Variants in CDH13 observed in about 807,000 individuals in gnomAD.
CDH13 encodes cadherin 13.
In CDH13, 24 loss-of-function variants were observed where a neutral mutation model predicts 63.8. The ratio of observed to expected loss-of-function variants is 0.38; its 90% confidence interval spans 0.27 to 0.53. The LOEUF (loss-of-function observed/expected upper bound fraction) is 0.53. CDH13 is among the 20% of genes least tolerant of loss of function. CDH13 has a pLI of 0.85. For missense variants in CDH13, 1,049 were observed against 903.1 expected, an observed-to-expected ratio of 1.16 and a Z score of -2.07; for synonymous variants, 503 against 355.3, an observed-to-expected ratio of 1.42 and a Z score of -4.67.
chr16:82,649,334 A>G (rs532218938), intron 1 of CDH13, among the ~76,000 whole-genome samples: 1 of 152,278 alleles, frequency 6.6e-6, no homozygotes, highest in African/African-American at 2.4e-5. Flanking sequence ...TGGATGGATG[A>G]TGGATGGATA....
chr16:83,454,120 A>T (rs1045639903), intron 6 of CDH13, among the ~76,000 whole-genome samples: 1 of 152,268 alleles, frequency 6.6e-6, no homozygotes, highest in African/African-American at 2.4e-5. Context: ...GAGATTCTCC[A>T]AAAGAAGCCT....
intron 2 of CDH13, among the ~76,000 whole-genome samples, chr16:82,896,106 C>G (rs1217454939): frequency 6.6e-6 from 1 of 152,030 alleles, no homozygotes; most frequent in Non-Finnish European, 1.5e-5. Context: ...ACCTGACATT[C>G]TCTCATTCAT....
intron 5 of CDH13, among the ~76,000 whole-genome samples, chr16:83,273,663 T>C (rs2088894338): frequency 1.3e-5 from 2 of 152,132 alleles, no homozygotes; most frequent in Admixed American, 1.3e-4. Context: ...CACAAAGGGG[T>C]ACATAAAAGT....
chr16:83,126,776 T>G (rs1251589701), intron 4 of CDH13, among the ~76,000 whole-genome samples: 1 of 152,206 alleles, frequency 6.6e-6, no homozygotes, highest in Non-Finnish European at 1.5e-5. Flanking sequence ...GCTGTTGAAC[T>G]ACTAATTCAT....
chr16:82,876,174 T>A (rs1191227489), intron 2 of CDH13, among the ~76,000 whole-genome samples: 1 of 152,166 alleles, frequency 6.6e-6, no homozygotes, highest in Non-Finnish European at 1.5e-5. Context: ...AAGATGAGAT[T>A]TGGGTGGGGA....
At position 83,201,608 on chromosome 16, in the gene CDH13, G is replaced by A. The variant is rs902181235; in HGVS notation, c.484-15737G>A. 2.6e-5 allele frequency among the ~76,000 whole-genome samples: 4 copies of A among 152,016 alleles called. No individual in the cohort carries two copies. In the South Asian group the frequency reaches 8.3e-4, roughly 32 times the overall value. On this transcript the variant is annotated intron_variant, in intron 4 of 13. Transcript: ENST00000567109. ...GACCAAGGCTGAGGAATAAGATTGAGTAACGTTGGCTGGGCACGGTGGCTC... is the reference window on the plus strand; with the variant it reads ...GACCAAGGCTGAGGAATAAGATTGAATAACGTTGGCTGGGCACGGTGGCTC...
At chr16:83,000,664 C>T (rs566497961) in intron 2 of CDH13, among the ~76,000 whole-genome samples, 3 of 150,142 alleles carry the variant, frequency 2.0e-5, no homozygotes, top group Non-Finnish European at 3.0e-5. Context: ...ACTGCAAGCT[C>T]CGCCTCCTGG....
rs531057219 is a variant in CDH13, at chr16:82,897,103, A to C, written c.157+38630A>C. Reference sequence around the variant, plus strand: ...CCACACTGCTGTGCAATTCTAAAGAATTCTGGGAGTGCTGTCAGAGAGTAC... The same window carrying C: ...CCACACTGCTGTGCAATTCTAAAGACTTCTGGGAGTGCTGTCAGAGAGTAC... On this transcript the variant is annotated intron_variant, in intron 2 of 13. Transcript: ENST00000567109. 1.5e-4 allele frequency among the ~76,000 whole-genome samples: 23 copies of C among 152,220 alleles called. 1 individual carries two copies. In the South Asian group the frequency reaches 4.6e-3, roughly 30 times the overall value.
At position 83,255,181 on chromosome 16, in the gene CDH13, G is replaced by T. The variant is rs1230596062; in HGVS notation, c.636+37684G>T. 2.0e-5 allele frequency among the ~76,000 whole-genome samples: 3 copies of T among 152,104 alleles called. No individual in the cohort carries two copies. In the East Asian group the frequency reaches 5.8e-4, roughly 29 times the overall value. ...GACTATTGAAAAGGCTGAGAATTCA[G>T]TCCTTGAAACTAATTGTGCCAAGTA... On this transcript the variant is annotated intron_variant, in intron 5 of 13. Transcript: ENST00000567109.
intron 7 of CDH13, among the ~76,000 whole-genome samples, chr16:83,490,331 A>T (rs2073985416): frequency 1.3e-5 from 2 of 152,218 alleles, no homozygotes; most frequent in Non-Finnish European, 2.9e-5. Context: ...CTGCCTACCT[A>T]ATCATCTTCC....
At chr16:82,784,009 G>C (rs1181914264) in intron 1 of CDH13, among the ~76,000 whole-genome samples, 2 of 152,140 alleles carry the variant, frequency 1.3e-5, no homozygotes, top group African/African-American at 4.8e-5. Context: ...TGTTCCTGGA[G>C]GTGTGTGTGG....
chr16:83,368,243 T>G (rs1281763420), intron 6 of CDH13, among the ~76,000 whole-genome samples: 1 of 152,240 alleles, frequency 6.6e-6, no homozygotes, highest in Non-Finnish European at 1.5e-5. Context: ...ATATTCTGTT[T>G]GTTATACACT....
chr16:82,950,452 G>C (rs759566610), intron 2 of CDH13, among the ~76,000 whole-genome samples: 2 of 152,076 alleles, frequency 1.3e-5, no homozygotes, highest in Non-Finnish European at 2.9e-5. Flanking sequence ...TGAATCATGG[G>C]GGTGGTTTCT....
chr16:82,760,713 G>A (rs1346452757), intron 1 of CDH13, among the ~76,000 whole-genome samples: 2 of 152,104 alleles, frequency 1.3e-5, no homozygotes, highest in African/African-American at 2.4e-5. Context: ...TTTGGCTTAC[G>A]GTTCTGCAGG....
intron 3 of CDH13, among the ~76,000 whole-genome samples, chr16:83,037,713 G>T (rs1405663941): frequency 1.3e-5 from 2 of 152,172 alleles, no homozygotes; most frequent in Non-Finnish European, 2.9e-5. Context: ...CAAATTTGAA[G>T]GAAGAACAGC....
chr16:83,101,354 G>C (rs2034469517), intron 3 of CDH13, among the ~76,000 whole-genome samples: 1 of 149,280 alleles, frequency 6.7e-6, no homozygotes, highest in Non-Finnish European at 1.5e-5. Flanking sequence ...AGTATATATA[G>C]AACACCATAT....
chr16:83,267,741 C>A (rs1012372539), intron 5 of CDH13, among the ~76,000 whole-genome samples: 5 of 152,322 alleles, frequency 3.3e-5, no homozygotes, highest in South Asian at 2.1e-4. Context: ...TCTTGGACTT[C>A]CCACCCTCCA....
intron 2 of CDH13, among the ~76,000 whole-genome samples, chr16:83,014,186 C>G (rs1914446421): frequency 6.6e-6 from 1 of 152,156 alleles, no homozygotes; most frequent in South Asian, 2.1e-4. Context: ...AAAACAATCT[C>G]TAACCTTCCC....
intron 5 of CDH13, among the ~76,000 whole-genome samples, chr16:83,236,629 G>C (rs931437655): frequency 6.6e-6 from 1 of 152,066 alleles, no homozygotes; most frequent in African/African-American, 2.4e-5. Context: ...AACTATCTCT[G>C]TTAACATAGT....
Sources: gnomAD v4.1 joint callset for allele counts (sites outside exome capture counted in the v4.1 genomes callset) on GRCh38, gnomAD v4.1.1 for gene constraint, MANE v1.5 for transcripts, NCBI Gene and HGNC (gene_info 2026-07-23, HGNC 2026-07-21) for gene names.